Variants in RIMBP2 observed in about 807,000 individuals in gnomAD.
RIMBP2 encodes RIMS-binding protein 2.
RIMBP2 carries 48 observed loss-of-function variants against 118.6 expected under a neutral mutation model. That is an observed-to-expected ratio of 0.40 (90% confidence interval 0.32 to 0.51). The LOEUF is 0.51. Among genes scored for constraint, RIMBP2 ranks in the 20% least tolerant of loss-of-function variants. The probability of loss-of-function intolerance (pLI) is 0.41; values close to 1 mark genes in which losing one functional copy is unlikely to be tolerated. For synonymous variants in RIMBP2, 762 were observed against 742.9 expected (o/e 1.03, Z -0.42); for missense variants, 1,551 against 1,768.3 (o/e 0.88, Z 2.20).
intron 7 of RIMBP2, among the ~76,000 whole-genome samples, chr12:130,453,354 C>T (rs560101353): frequency 1.3e-5 from 2 of 152,404 alleles, no homozygotes; most frequent in South Asian, 4.1e-4. Context: ...AGGTGAGTGA[C>T]AGCACATCCA....
chr12:130,715,859 G>T (rs1002308491), intron 1 of RIMBP2, among the ~76,000 whole-genome samples: 7 of 151,344 alleles, frequency 4.6e-5, no homozygotes, highest in Non-Finnish European at 7.4e-5. Flanking sequence ...CGTGTCCATC[G>T]GGTGCCAAAC....
chr12:130,440,615 C>T (rs961084355), intron 11 of RIMBP2, among the ~76,000 whole-genome samples: 1 of 152,224 alleles, frequency 6.6e-6, no homozygotes, highest in Non-Finnish European at 1.5e-5. Context: ...TCTTCACCCC[C>T]GCACTCATCA....
chr12:130,680,248 C>T (rs2064713270), intron 1 of RIMBP2, among the ~76,000 whole-genome samples: 1 of 152,210 alleles, frequency 6.6e-6, no homozygotes, highest in African/African-American at 2.4e-5. Context: ...GATTATCTTC[C>T]AGGAACTTTT....
chr12:130,486,345 C>G (rs1285372393), intron 4 of RIMBP2, among the ~76,000 whole-genome samples: 1 of 152,194 alleles, frequency 6.6e-6, no homozygotes, highest in Non-Finnish European at 1.5e-5. Flanking sequence ...AATGACCTCC[C>G]GCTGATCTCT....
chr12:130,678,854 A>G, intron 1 of RIMBP2, among the ~76,000 whole-genome samples: 1 of 152,160 alleles, frequency 6.6e-6, no homozygotes, highest in Non-Finnish European at 1.5e-5. Flanking sequence ...CAGAATGTGC[A>G]GGAAAATCCA....
chr12:130,456,973 G>A (rs1490030182), intron 6 of RIMBP2, among the ~76,000 whole-genome samples: 1 of 152,160 alleles, frequency 6.6e-6, no homozygotes, highest in African/African-American at 2.4e-5. Context: ...CCTGCCACCT[G>A]GCTACTGGCC....
chr12:130,659,553 A>G (rs1161612182), intron 1 of RIMBP2, among the ~76,000 whole-genome samples: 1 of 148,454 alleles, frequency 6.7e-6, no homozygotes, highest in African/African-American at 2.5e-5. Flanking sequence ...TGAGCGACAG[A>G]GCGAGACTCT....
chr12:130,501,965 T>C (rs1227786798), intron 4 of RIMBP2, among the ~76,000 whole-genome samples: 1 of 152,248 alleles, frequency 6.6e-6, no homozygotes, highest in Non-Finnish European at 1.5e-5. Context: ...CCAGGCAGAC[T>C]CTGAGCCTTG....
intron 2 of RIMBP2, among the ~76,000 whole-genome samples, chr12:130,601,927 A>C (rs1268335109): frequency 6.6e-6 from 1 of 152,222 alleles, no homozygotes; most frequent in Non-Finnish European, 1.5e-5. Flanking sequence ...AATGAGAAGG[A>C]ATAAAGGGAC....
intron 4 of RIMBP2, among the ~76,000 whole-genome samples, chr12:130,490,927 C>T (rs1593505715): frequency 6.6e-6 from 1 of 152,080 alleles, no homozygotes; most frequent in Non-Finnish European, 1.5e-5. Flanking sequence ...AAGTGGGAAG[C>T]GGTCTACACA....
Position 130,397,213 on chromosome 12 carries a change from T to A in RIMBP2, c.*148A>T, listed in dbSNP as rs1024677828. ...CTCCTCTTTGTTCTCGTGGTTGGTTTAAAGTGGTTGGTAGTGCAAAAGTGC... is the reference window on the plus strand; with the variant it reads ...CTCCTCTTTGTTCTCGTGGTTGGTTAAAAGTGGTTGGTAGTGCAAAAGTGC... On this transcript the variant is annotated 3_prime_UTR_variant, in exon 23 of 23. Coordinates refer to ENST00000690449, the MANE Select transcript of RIMBP2 (RefSeq NM_001393629.1). 14 of 385,940 alleles carry A rather than the reference T, an allele frequency of 3.6e-5. No individual in the cohort carries two copies. Among genetic ancestry groups the A allele is most frequent in the Non-Finnish European group, 5.5e-5 (12 of 218,502 alleles). The allele number at this position is 385,940 out of a possible 1,614,324, so 23.9% of individuals were successfully genotyped here.
At position 130,431,428 on chromosome 12, in the gene RIMBP2, G is replaced by A. The variant is rs972703458; in HGVS notation, c.2254-3091C>T. 13 of 415,390 alleles carry A rather than the reference G, an allele frequency of 3.1e-5. No homozygotes were observed. The highest frequency in any genetic ancestry group is 2.9e-4 in the East Asian group (4 of 13,698). The allele number at this position is 415,390 out of a possible 1,614,324, so 25.7% of individuals were successfully genotyped here. ...TCACTCCCTACCACTGTCATGATGC[G>A]TCACCTAGCCAGACGCCATCTGTAT... On this transcript the variant is annotated intron_variant, in intron 14 of 22. Transcript: ENST00000690449. This position sits in a 1 kb window ranked among gnomAD's most constrained non-coding sequence, Gnocchi z 4.0.
intron 4 of RIMBP2, among the ~76,000 whole-genome samples, chr12:130,500,275 C>T (rs558677025): frequency 5.3e-5 from 8 of 152,190 alleles, no homozygotes; most frequent in Admixed American, 1.3e-4. Flanking sequence ...CTGACCAACA[C>T]GGGGAAACCC....
At chr12:130,613,554 C>T (rs537871153) in intron 2 of RIMBP2, among the ~76,000 whole-genome samples, 1 of 152,170 alleles carries the variant, frequency 6.6e-6, no homozygotes, top group Non-Finnish European at 1.5e-5. Flanking sequence ...CAGTGGCTCA[C>T]GCCTGTTATC....
At chr12:130,615,258 A>AAT (rs59508522) in intron 2 of RIMBP2, among the ~76,000 whole-genome samples, 41 of 95,330 alleles carry the variant, frequency 4.3e-4, no homozygotes, top group Admixed American at 3.3e-3. Flanking sequence ...AATTATGTAT[A>AAT]TATACATAAT....
chr12:130,694,550 G>T (rs563017933), intron 1 of RIMBP2, among the ~76,000 whole-genome samples: 2 of 152,012 alleles, frequency 1.3e-5, no homozygotes, highest in Non-Finnish European at 2.9e-5. Flanking sequence ...GCCTCTCTAC[G>T]CTCCTGCCCA....
intron 2 of RIMBP2, among the ~76,000 whole-genome samples, chr12:130,569,663 A>G (rs2057484544): frequency 6.6e-6 from 1 of 152,100 alleles, no homozygotes; most frequent in African/African-American, 2.4e-5. Flanking sequence ...CTGGCCATTT[A>G]AAAGCGTGCA....
In RIMBP2 at chr12:130,420,212, C is replaced by T. The variant is rs1454526656; in HGVS notation, c.3238+2241G>A. Among the ~76,000 whole-genome samples, 9 of 152,176 alleles carry T rather than the reference C, an allele frequency of 5.9e-5. No homozygotes were observed. The highest frequency in any genetic ancestry group is 1.0e-4 in the Non-Finnish European group (7 of 68,038). On this transcript the variant is annotated intron_variant, in intron 17 of 22. Transcript: ENST00000690449. The surrounding 1 kb of genome is among the most constrained non-coding windows in gnomAD (Gnocchi z 4.3). ...CCTCAGGTGGGTGATAAGCACCCTC[C>T]GCTTCTGTTTCCTTTTGAAACCATA...
intron 1 of RIMBP2, among the ~76,000 whole-genome samples, chr12:130,690,998 G>A (rs2065284122): frequency 6.6e-6 from 1 of 152,200 alleles, no homozygotes; most frequent in Non-Finnish European, 1.5e-5. Flanking sequence ...AGAAAAGAAT[G>A]TTAAACAGCG....
Sources: allele counts gnomAD v4.1 joint callset (sites outside exome capture counted in the v4.1 genomes callset), GRCh38; gene constraint gnomAD v4.1.1; non-coding constraint Gnocchi (gnomAD v3.1); transcripts MANE v1.5; gene names NCBI Gene and HGNC (gene_info 2026-07-23, HGNC 2026-07-21).